The following ACHE variants were observed in gnomAD, a reference collection of about 807,000 sequenced individuals.
ACHE encodes the protein acetylcholinesterase (Yt blood group).
ACHE carries 19 observed loss-of-function variants against 53.9 expected under a neutral mutation model. The observed-to-expected ratio is 0.35, with a 90% confidence interval of 0.25 to 0.52. The LOEUF (loss-of-function observed/expected upper bound fraction) is 0.52, where lower values mean the gene tolerates loss of function less well. Among genes scored for constraint, ACHE ranks in the 20% least tolerant of loss-of-function variants. The probability of loss-of-function intolerance (pLI) is 0.95; values close to 1 mark genes in which losing one functional copy is unlikely to be tolerated. For synonymous variants in ACHE, 392 were observed against 378.1 expected, an observed-to-expected ratio of 1.04 and a Z score of -0.43; for missense variants, 605 against 849.4, an observed-to-expected ratio of 0.71 and a Z score of 3.58.
rs772105252 is a variant in ACHE at position 100,891,295 on chromosome 7, G to C, written c.1597C>G (p.Pro533Ala). ...TACTGCTGAGCCCCCGCCGTGTACG[G>C]GGGCCATTGTGGGGCCTTGGGGTCT... is the stretch of plus-strand genomic sequence containing the variant. ...PRDPKAPQWP[P>A]YTAGAQQYVS... The change falls in exon 4 of 5, where the codon CCG (proline) becomes GCG (alanine). Residue 533 changes from proline (P) to alanine (A), a missense_variant. By Grantham distance (27) the Pro-to-Ala change is conservative. Coordinates refer to ENST00000241069, the MANE Select transcript of ACHE (RefSeq NM_000665.5). The C allele has an allele frequency of 3.1e-6, 5 of 1,600,310 alleles. No homozygotes were observed. In the South Asian group the frequency reaches 5.5e-5, roughly 18 times the overall value.
At chr7:100,890,753 C>T (rs1209042555) in intron 4 of ACHE, 1 of 1,340,562 alleles carries the variant, frequency 7.5e-7, no homozygotes, top group African/African-American at 1.5e-5. Context: ...ACTGGCTTTT[C>T]CATTTCCATT....
chr7:100,894,668 A>G (rs1320362687), intron 1 of ACHE, among the ~76,000 whole-genome samples: 2 of 152,000 alleles, frequency 1.3e-5, no homozygotes, highest in African/African-American at 4.8e-5. Context: ...GGCGGCCTGA[A>G]GCGCAGCCCC....
chr7:100,891,051 A>G, intron 4 of ACHE, 118 bp downstream of exon 4: 1 of 1,481,250 alleles, frequency 6.8e-7, no homozygotes, highest in Non-Finnish European at 9.0e-7. Flanking sequence ...CAGCCTCCCC[A>G]TGGGTGAAGC....
rs765400141 is a variant in ACHE at position 100,892,789 on chromosome 7, G to C, written c.1098C>G (p.Gly366=). ...GGGCCCCGTAAACCAGAAAATACGA[G>C]CCCTCATCCTTCACCACACCCACCA... ...QVLVGVVKDE[G]SYFLVYGAPG... Residue 366 remains glycine (G), a synonymous_variant, in exon 3 of 5, where the codon GGC becomes GGG. Coordinates refer to ENST00000241069, the MANE Select transcript of ACHE (RefSeq NM_000665.5). This position sits in a 1 kb window ranked among gnomAD's most constrained non-coding sequence, Gnocchi z 5.2. 6.3e-7 allele frequency: 1 copy of C among 1,596,458 alleles called. No individual in the cohort carries two copies. The highest frequency in any genetic ancestry group is 1.1e-5 in the South Asian group (1 of 89,900).
intron 4 of ACHE, 78 bp from the exon 5 acceptor site, chr7:100,890,413 G>A (rs774542137): frequency 5.8e-6 from 9 of 1,543,700 alleles, no homozygotes; most frequent in Non-Finnish European, 7.9e-6. Context: ...TGGGCGGGTT[G>A]AAGGGGGGGT....
rs1584774019 is a variant in ACHE at position 100,892,841 on chromosome 7, T to G, written c.1069-23A>C. ...CACCTGGGGGTGAGGGAGAGGGGGG[T>G]GGGATGGAGCGACAGGCACAGACAG... On this transcript the variant is annotated intron_variant, in intron 2 of 4. Coordinates refer to ENST00000241069, the MANE Select transcript of ACHE (RefSeq NM_000665.5). The surrounding 1 kb of genome is among the most constrained non-coding windows in gnomAD (Gnocchi z 5.2). The G allele has an allele frequency of 1.3e-6, 2 of 1,543,554 alleles. No homozygotes were observed. Among genetic ancestry groups the G allele is most frequent in the African/African-American group, 1.4e-5 (1 of 72,606 alleles).
In ACHE at chr7:100,892,410, A is replaced by T; in HGVS notation, c.1477T>A (p.Ser493Thr). 6.6e-7 allele frequency: 1 copy of T among 1,515,274 alleles called. No individual in the cohort carries two copies. Among genetic ancestry groups the T allele is most frequent in the Non-Finnish European group, 8.9e-7 (1 of 1,129,048 alleles). 93.9% of individuals were successfully genotyped at this position (1,515,274 alleles called of 1,614,324 possible). Residue 493 changes from serine to threonine, a missense_variant, in exon 3 of 5, where the codon TCT (serine) becomes ACT (threonine). Ser to Thr is a moderately conservative substitution (Grantham distance 58). Around this residue, in one of 4 missense-constraint regions of ACHE, gnomAD observed 397 missense variants for 632.5 expected, o/e 0.63. Coordinates refer to ENST00000241069, the MANE Select transcript of ACHE (RefSeq NM_000665.5). The surrounding 1 kb of genome is among the most constrained non-coding windows in gnomAD (Gnocchi z 5.2). ...EFIFGIPLDP[S>T]RNYTAEEKIF... ...TTCTCCTCTGCCGTGTAGTTTCGAG[A>T]GGGGTCCAGGGGGATCCCAAAGATG...
At position 100,892,509 on chromosome 7, in the gene ACHE, C is replaced by T. The variant is rs546907479; in HGVS notation, c.1378G>A (p.Val460Ile). The T allele has an allele frequency of 7.4e-5, 118 of 1,601,366 alleles. No individual in the cohort carries two copies. The highest frequency in any genetic ancestry group is 2.2e-4 in the Admixed American group (13 of 59,594). The change falls in exon 3 of 5, where the codon GTC (valine) becomes ATC (isoleucine). Residue 460 changes from valine (V) to isoleucine (I), a missense_variant. Around this residue, in one of 4 missense-constraint regions of ACHE, gnomAD observed 397 missense variants for 632.5 expected, o/e 0.63. Transcript: ENST00000241069. This position sits in a 1 kb window ranked among gnomAD's most constrained non-coding sequence, Gnocchi z 5.2. ...AGCGTGGAAGCACGGTGTTCAAAGA[C>T]GTAGGCGTAGACCCGGGCACCCTGG... Reference protein sequence around the residue: ...AAQGARVYAYVFEHRASTLSW... With the variant: ...AAQGARVYAYIFEHRASTLSW...
intron 4 of ACHE, chr7:100,890,754 C>T: frequency 1.5e-6 from 2 of 1,339,826 alleles, no homozygotes; most frequent in Non-Finnish European, 1.9e-6. Flanking sequence ...CTGGCTTTTC[C>T]ATTTCCATTC....
chr7:100,892,878 G>T lies in ACHE; in HGVS notation c.1069-60C>A. The T allele has an allele frequency of 3.4e-6, 5 of 1,483,206 alleles. No individual in the cohort carries two copies. The highest frequency in any genetic ancestry group is 3.6e-6 in the Non-Finnish European group (4 of 1,116,564). 91.9% of individuals were successfully genotyped at this position (1,483,206 alleles called of 1,614,324 possible). A position where few individuals can be genotyped will look rare whatever the true frequency, so the allele number is the denominator to read the frequency against. ...ACAGGCACAGACAGACAAGTAGACA[G>T]AAACAGATGGACAGACAAAGAGCCA... On this transcript the variant is annotated intron_variant, in intron 2 of 4. Coordinates refer to ENST00000241069, the MANE Select transcript of ACHE (RefSeq NM_000665.5). The surrounding 1 kb of genome is among the most constrained non-coding windows in gnomAD (Gnocchi z 5.2).
At chr7:100,896,987 G>T (rs960990414), upstream of ACHE, 1 of 149,510 alleles carries the variant, frequency 6.7e-6, no homozygotes, top group African/African-American at 2.4e-5. Flanking sequence ...CCAGCGTCGG[G>T]CGTGCGTGCG....
Position 100,891,326 on chromosome 7 carries a change from C to A in ACHE, c.1566G>T (p.Glu522Asp). Residue 522 changes from glutamate (E) to aspartate (D), a missense_variant, in exon 4 of 5, where the codon GAG becomes GAT. Physicochemically the swap from Glu to Asp is conservative, Grantham distance 45. Transcript: ENST00000241069. ...ANFARTGDPN[E>D]PRDPKAPQWP... is the part of the protein sequence containing the mutation. The stretch of plus-strand genomic sequence containing the variant: ...ATTGTGGGGCCTTGGGGTCTCGGGG[C>A]TCATTGGGATCCCTGCGGAAGGAAG... The A allele has an allele frequency of 6.4e-7, 1 of 1,559,964 alleles. No individual in the cohort carries two copies.
At chr7:100,896,987 G>A (rs960990414), upstream of ACHE, 2 of 149,510 alleles carry the variant, frequency 1.3e-5, no homozygotes, top group Non-Finnish European at 3.0e-5. Flanking sequence ...CCAGCGTCGG[G>A]CGTGCGTGCG....
At chr7:100,890,539 G>A (rs1344445887) in intron 4 of ACHE, 3 of 1,409,898 alleles carry the variant, frequency 2.1e-6, no homozygotes, top group Non-Finnish European at 2.8e-6. Flanking sequence ...CGGGGCCGGA[G>A]AAGGACAGCA....
At position 100,893,222 on chromosome 7, in the gene ACHE, G is replaced by A. The variant is rs1490326888; in HGVS notation, c.1011C>T (p.Asp337=). 1 of 1,614,002 alleles carries A rather than the reference G, an allele frequency of 6.2e-7. No homozygotes were observed. The highest frequency in any genetic ancestry group is 8.5e-7 in the Non-Finnish European group (1 of 1,180,032). Residue 337 remains aspartate (D), a synonymous_variant, in exon 2 of 5, where the codon GAC becomes GAT. Transcript: ENST00000241069. ...RFSFVPVVDG[D]FLSDTPEALI... is the part of the protein sequence containing the mutation. Reference sequence around the variant, plus strand: ...GGGCCTCTGGGGTGTCACTGAGGAAGTCTCCATCTACCACAGGCACGAAGG... The same window carrying A: ...GGGCCTCTGGGGTGTCACTGAGGAAATCTCCATCTACCACAGGCACGAAGG...
chr7:100,894,079 G>A lies in ACHE; in HGVS notation c.154C>T (p.Arg52Cys), dbSNP rs375017123. The A allele has an allele frequency of 7.1e-6, 11 of 1,544,602 alleles. No individual in the cohort carries two copies. In the Middle Eastern group the frequency reaches 5.3e-4, roughly 74 times the overall value. ...ACAGGGCCCCCGGGGGTCTTCAGGC[G>A]AATGCCCCGCAGCCGGCCCCCACGC... is the stretch of plus-strand genomic sequence containing the variant. Reference protein sequence around the residue: ...TVRGGRLRGIRLKTPGGPVSA... With the variant: ...TVRGGRLRGICLKTPGGPVSA... The change falls in exon 2 of 5, where the codon CGC becomes TGC. Residue 52 changes from arginine to cysteine, a missense_variant. This residue lies in a region of ACHE where 89 missense variants were observed against 78.9 expected (regional missense o/e 1.13). Coordinates refer to ENST00000241069, the MANE Select transcript of ACHE (RefSeq NM_000665.5).
At position 100,892,438 on chromosome 7, in the gene ACHE, C is replaced by T. The variant is rs145048252; in HGVS notation, c.1449G>A (p.Glu483=). The change falls in exon 3 of 5, where the codon GAG becomes GAA. Residue 483 remains glutamate, a synonymous_variant. Transcript: ENST00000241069. The surrounding 1 kb of genome is among the most constrained non-coding windows in gnomAD (Gnocchi z 5.2). ...WMGVPHGYEI[E]FIFGIPLDPS... is the part of the protein sequence containing the mutation. The stretch of plus-strand genomic sequence containing the variant: ...GGTCCAGGGGGATCCCAAAGATGAA[C>T]TCGATCTCGTAGCCGTGGGGCACCC... The T allele has an allele frequency of 4.5e-6, 7 of 1,545,372 alleles. No individual in the cohort carries two copies. The African/African-American group carries it at 5.5e-5, about 12-fold the overall frequency.
At chr7:100,890,890 G>C (rs977344359) in intron 4 of ACHE, 1 of 1,465,142 alleles carries the variant, frequency 6.8e-7, no homozygotes, top group African/African-American at 1.4e-5. Flanking sequence ...CCTGAGTGGG[G>C]CCCTTCCCCA....
intron 4 of ACHE, chr7:100,890,615 TG>T: frequency 7.7e-7 from 1 of 1,291,438 alleles, no homozygotes; most frequent in Non-Finnish European, 9.8e-7. Context: ...AGGGGGAGGT[TG>T]GGGGAAAAAG....
Sources: allele counts gnomAD v4.1 joint callset (sites outside exome capture counted in the v4.1 genomes callset), GRCh38; gene constraint gnomAD v4.1.1; regional missense constraint gnomAD v4.1.1; non-coding constraint Gnocchi (gnomAD v3.1); transcripts MANE v1.5; gene names NCBI Gene and HGNC (gene_info 2026-07-23, HGNC 2026-07-21).